The following POMK variants were observed in gnomAD, a reference collection of about 807,000 sequenced individuals.
The protein encoded by POMK is Sugen kinase 196.
A neutral mutation model predicts 23.0 loss-of-function variants in POMK; 19 were observed. The observed-to-expected ratio is 0.83, with a 90% CI of 0.58 to 1.21. The LOEUF (loss-of-function observed/expected upper bound fraction) is 1.21. Among genes scored for constraint, POMK ranks in the 50% most tolerant of loss-of-function variants. The pLI is 0.00. For missense variants in POMK, 410 were observed against 431.3 expected, an observed-to-expected ratio of 0.95 and a Z score of 0.44; for synonymous variants, 173 against 171.6, an observed-to-expected ratio of 1.01 and a Z score of -0.06.
intron 2 of POMK, among the ~76,000 whole-genome samples, chr8:43,100,103 G>C (rs1292308241): frequency 6.6e-6 from 1 of 152,184 alleles, no homozygotes; most frequent in Non-Finnish European, 1.5e-5. Flanking sequence ...CCTGGCCCGG[G>C]GCAGGGAGCT....
chr8:43,109,809 G>A (rs1369791817), intron 4 of POMK, among the ~76,000 whole-genome samples: 1 of 152,074 alleles, frequency 6.6e-6, no homozygotes, highest in African/African-American at 2.4e-5. Flanking sequence ...CCAAAGTGTT[G>A]GTATAACAGG....
intron 4 of POMK, among the ~76,000 whole-genome samples, chr8:43,115,873 G>A (rs553939960): frequency 2.6e-5 from 4 of 152,282 alleles, no homozygotes; most frequent in East Asian, 1.9e-4. Context: ...GTCCCTGTCC[G>A]GTCTACTCCA....
chr8:43,120,770 C>T (rs367695570), intron 4 of POMK, among the ~76,000 whole-genome samples: 12 of 151,282 alleles, frequency 7.9e-5, no homozygotes, highest in African/African-American at 1.9e-4. Flanking sequence ...CTCTGCCTCC[C>T]GGGTTCAAGT....
At chr8:43,099,715 G>A (rs1811400055) in intron 2 of POMK, among the ~76,000 whole-genome samples, 1 of 152,214 alleles carries the variant, frequency 6.6e-6, no homozygotes, top group African/African-American at 2.4e-5. Flanking sequence ...AGAGCTGGGC[G>A]TGGGGTTTGC....
Position 43,122,442 on chromosome 8 carries a change from C to A in POMK, c.618C>A (p.Asn206Lys). Residue 206 changes from asparagine to lysine, a missense_variant, in exon 5 of 5, where the codon AAC becomes AAA. Physicochemically the swap from Asn to Lys is moderately conservative, Grantham distance 94. Transcript: ENST00000331373. The stretch of plus-strand genomic sequence containing the variant: ...GCACACGGGTCATGTGCGACTCCAA[C>A]GACCTGCCGAAGACACTGTCCCAGT... ...PVGTRVMCDS[N>K]DLPKTLSQYL... 1 of 1,614,160 alleles carries A rather than the reference C, an allele frequency of 6.2e-7. No homozygotes were observed. The highest frequency in any genetic ancestry group is 8.5e-7 in the Non-Finnish European group (1 of 1,180,028).
intron 4 of POMK, among the ~76,000 whole-genome samples, chr8:43,119,791 A>T (rs917111961): frequency 6.6e-6 from 1 of 152,194 alleles, no homozygotes; most frequent in Non-Finnish European, 1.5e-5. Context: ...TATGAGGATT[A>T]GAGAGTCTTG....
chr8:43,115,492 CCTCT>C (rs1379714498), intron 4 of POMK, among the ~76,000 whole-genome samples: 2 of 152,134 alleles, frequency 1.3e-5, no homozygotes, highest in African/African-American at 4.8e-5. Flanking sequence ...AATATCCTGA[CCTCT>C]CTCTCATCCA....
chr8:43,094,623 A>G (rs557027912), intron 1 of POMK, among the ~76,000 whole-genome samples: 3 of 152,268 alleles, frequency 2.0e-5, no homozygotes, highest in Non-Finnish European at 4.4e-5. Flanking sequence ...AATCCTCTTA[A>G]TGTACCTTGT....
chr8:43,122,174 A>G lies in POMK; in HGVS notation c.350A>G (p.Asp117Gly), dbSNP rs1395904573. Reference protein sequence around the residue: ...LSQLTSLEMKDDFLHGLQMLK... With the variant: ...LSQLTSLEMKGDFLHGLQMLK... ...CAGCTCACCAGCCTGGAGATGAAAGATGATTTCCTCCATGGACTGCAGATG... is the reference window on the plus strand; with the variant it reads ...CAGCTCACCAGCCTGGAGATGAAAGGTGATTTCCTCCATGGACTGCAGATG... The change falls in exon 5 of 5, where the codon GAT (aspartate) becomes GGT (glycine). Residue 117 changes from aspartate (D) to glycine (G), a missense_variant. Physicochemically the swap from Asp to Gly is moderately conservative, Grantham distance 94. Coordinates refer to ENST00000331373, the MANE Select transcript of POMK (RefSeq NM_032237.5). 1 of 1,614,196 alleles carries G rather than the reference A, an allele frequency of 6.2e-7. No homozygotes were observed.
chr8:43,114,792 T>G (rs1811759632), intron 4 of POMK, among the ~76,000 whole-genome samples: 1 of 152,306 alleles, frequency 6.6e-6, no homozygotes, highest in Non-Finnish European at 1.5e-5. Context: ...CAAGATTACA[T>G]TAAAAGAACC....
chr8:43,105,765 G>A (rs1372671787), intron 4 of POMK, among the ~76,000 whole-genome samples: 1 of 152,146 alleles, frequency 6.6e-6, no homozygotes, highest in Admixed American at 6.5e-5. Flanking sequence ...CTGGGTTCAA[G>A]CAATTCTCCT....
intron 4 of POMK, among the ~76,000 whole-genome samples, 177 bp downstream of exon 4, chr8:43,104,007 G>A (rs553438011): frequency 1.3e-5 from 2 of 152,370 alleles, no homozygotes; most frequent in Admixed American, 1.3e-4. Context: ...CTTGGCAATT[G>A]TGAATAGTGC....
chr8:43,115,038 T>A (rs957099335), intron 4 of POMK, among the ~76,000 whole-genome samples: 1 of 152,214 alleles, frequency 6.6e-6, no homozygotes, highest in African/African-American at 2.4e-5. Flanking sequence ...AAGAGTGGAT[T>A]TGATTCTTTC....
intron 1 of POMK, among the ~76,000 whole-genome samples, chr8:43,094,010 G>A (rs1348393398): frequency 6.6e-6 from 1 of 152,260 alleles, no homozygotes; most frequent in Non-Finnish European, 1.5e-5. Context: ...CGGCGGGGGC[G>A]GAGGTTTCAG....
At chr8:43,108,034 G>C (rs1811579525) in intron 4 of POMK, among the ~76,000 whole-genome samples, 1 of 152,162 alleles carries the variant, frequency 6.6e-6, no homozygotes, top group Non-Finnish European at 1.5e-5. Flanking sequence ...ATGGAACTCT[G>C]TTCCATAAGG....
Position 43,123,028 on chromosome 8 carries a change from G to A in POMK, c.*151G>A, listed in dbSNP as rs1458321631. 6.1e-6 allele frequency: 4 copies of A among 658,696 alleles called. No homozygotes were observed. Among genetic ancestry groups the A allele is most frequent in the South Asian group, 2.0e-5 (1 of 51,014 alleles). 40.8% of individuals were successfully genotyped at this position (658,696 alleles called of 1,614,324 possible). On this transcript the variant is annotated 3_prime_UTR_variant, in exon 5 of 5. Coordinates refer to ENST00000331373, the MANE Select transcript of POMK (RefSeq NM_032237.5). ...GTTCGTTGTCCACATCCACATGTAC[G>A]TTTGTATGTAGTCCACATTGGTTGT...
At chr8:43,096,218 G>C (rs1165479826) in intron 1 of POMK, among the ~76,000 whole-genome samples, 5 of 152,186 alleles carry the variant, frequency 3.3e-5, no homozygotes, top group Admixed American at 2.0e-4. Flanking sequence ...AAAGCTCAGG[G>C]GCCAGAGAGT....
At chr8:43,118,543 T>C (rs1563342031) in intron 4 of POMK, among the ~76,000 whole-genome samples, 1 of 152,192 alleles carries the variant, frequency 6.6e-6, no homozygotes, top group East Asian at 1.9e-4. Flanking sequence ...TAAAGTATTT[T>C]AACTGTTCTT....
intron 1 of POMK, among the ~76,000 whole-genome samples, chr8:43,095,468 A>G (rs914546236): frequency 1.3e-5 from 2 of 152,212 alleles, no homozygotes; most frequent in Admixed American, 1.3e-4. Context: ...ATTTGGATTC[A>G]GCAAGAAATG....
Sources: gnomAD v4.1 joint callset for allele counts (sites outside exome capture counted in the v4.1 genomes callset) on GRCh38, gnomAD v4.1.1 for gene constraint, MANE v1.5 for transcripts, NCBI Gene and HGNC (gene_info 2026-07-23, HGNC 2026-07-21) for gene names.